The following SCAP variants were observed in gnomAD, a reference collection of about 807,000 sequenced individuals.
SCAP encodes the protein SREBF chaperone.
In SCAP, 65 loss-of-function variants were observed where a neutral mutation model predicts 123.6. The ratio of observed to expected loss-of-function variants is 0.53; its 90% CI spans 0.43 to 0.65. The LOEUF (loss-of-function observed/expected upper bound fraction) is 0.65, where lower values mean the gene tolerates loss of function less well. Among genes scored for constraint, SCAP ranks in the 30% least tolerant of loss-of-function variants. SCAP has a pLI of 0.00. For missense variants in SCAP, 1,398 were observed against 1,712.5 expected (o/e 0.82, Z 3.24); for synonymous variants, 740 against 726.3 (o/e 1.02, Z -0.30).
intron 1 of SCAP, among the ~76,000 whole-genome samples, chr3:47,466,150 A>AG (rs1707822049): frequency 6.6e-6 from 1 of 151,544 alleles, no homozygotes; most frequent in African/African-American, 2.4e-5. Context: ...AAAAAAAAAA[A>AG]AAAAAAAGAA....
intron 3 of SCAP, among the ~76,000 whole-genome samples, chr3:47,431,586 C>T (rs2107845313): frequency 6.6e-6 from 1 of 152,220 alleles, no homozygotes; most frequent in Admixed American, 6.5e-5. Flanking sequence ...GGGTACTGGT[C>T]AGGCATTTTG....
chr3:47,417,699 G>C lies in SCAP; in HGVS notation c.2575C>G (p.Arg859Gly), dbSNP rs755393003. The C allele has an allele frequency of 1.2e-6, 2 of 1,608,168 alleles. No homozygotes were observed. Among genetic ancestry groups the C allele is most frequent in the Non-Finnish European group, 8.5e-7 (1 of 1,178,612 alleles). The change falls in exon 17 of 23, where the codon CGG (arginine) becomes GGG (glycine). Residue 859 changes from arginine (R) to glycine (G), a missense_variant. Physicochemically the swap from Arg to Gly is moderately radical, Grantham distance 125 (BLOSUM62 -2). Coordinates refer to ENST00000265565, the MANE Select transcript of SCAP (RefSeq NM_012235.4). Reference protein sequence around the residue: ...GDSPPLRHRPRGPPPPSLFGD... With the variant: ...GDSPPLRHRPGGPPPPSLFGD... ...AAGAGGGAAGGCGGCGGAGGGCCCC[G>C]GGGGCGGTGTCTCAGGGGAGGGCTG... is the stretch of plus-strand genomic sequence containing the variant.
intron 14 of SCAP, 29 bp downstream of exon 14, chr3:47,418,626 T>TTACCCC: frequency 1.4e-6 from 2 of 1,459,574 alleles, no homozygotes; most frequent in Non-Finnish European, 1.9e-6. Flanking sequence ...CCGCACTCTT[T>TTACCCC]CCCACCCCAC....
At chr3:47,467,505 T>G (rs1220791222) in intron 1 of SCAP, among the ~76,000 whole-genome samples, 1 of 151,878 alleles carries the variant, frequency 6.6e-6, no homozygotes, top group African/African-American at 2.4e-5. Flanking sequence ...CTTGGAAGAC[T>G]GAGGTGGGAG....
At chr3:47,436,560 T>C (rs1053621782) in intron 2 of SCAP, among the ~76,000 whole-genome samples, 1 of 151,276 alleles carries the variant, frequency 6.6e-6, no homozygotes, top group African/African-American at 2.4e-5. Flanking sequence ...CCCTGGGAGG[T>C]AGAGGCTGCA....
rs1160447716 is a variant in SCAP, at chr3:47,441,874, CT to C, written c.122+997del. The stretch of plus-strand genomic sequence containing the variant: ...GAAACTCTCAGTGATGTTCATCTTT[CT>C]TTTTTTTTTTTTTTTTTTTTTTTGG... On this transcript the variant is annotated intron_variant, in intron 2 of 22. Transcript: ENST00000265565. Among the ~76,000 whole-genome samples the C allele has an allele frequency of 1.5e-3, 113 of 76,414 alleles. No individual in the cohort carries two copies. In the South Asian group the frequency reaches 0.025, roughly 17 times the overall value. The allele number at this position is 76,414 out of a possible 152,430, so 50.1% of individuals were successfully genotyped here.
In SCAP at chr3:47,424,020, C is replaced by A; in HGVS notation, c.1063G>T (p.Val355Phe). ...ACCAACACATTCTCTAACCCAATAA[C>A]CACCACAAGGTAGGGGAAAATCTCG... ...GGEIFPYLVV[V>F]IGLENVLVLT... is the part of the protein sequence containing the mutation. The change falls in exon 9 of 23, where the codon GTT becomes TTT. Residue 355 changes from valine to phenylalanine, a missense_variant. Around this residue, in one of 7 missense-constraint regions of SCAP, gnomAD observed 9 missense variants for 32.8 expected, o/e 0.27. Transcript: ENST00000265565. The A allele has an allele frequency of 6.2e-7, 1 of 1,614,090 alleles. No homozygotes were observed. The highest frequency in any genetic ancestry group is 8.5e-7 in the Non-Finnish European group (1 of 1,179,952).
chr3:47,413,689 A>G lies in SCAP; in HGVS notation c.*165T>C. ...ATTCCAAGAGACACAAGTAGCTCCC[A>G]AAGTGCCTGACAGATGATGATATGG... On this transcript the variant is annotated 3_prime_UTR_variant, in exon 23 of 23. Coordinates refer to ENST00000265565, the MANE Select transcript of SCAP (RefSeq NM_012235.4). 1 of 960,890 alleles carries G rather than the reference A, an allele frequency of 1.0e-6. No homozygotes were observed. Among genetic ancestry groups the G allele is most frequent in the East Asian group, 2.4e-5 (1 of 41,220 alleles). The allele number at this position is 960,890 out of a possible 1,614,324, so 59.5% of individuals were successfully genotyped here.
At chr3:47,440,408 T>C (rs1706747185) in intron 2 of SCAP, among the ~76,000 whole-genome samples, 1 of 152,140 alleles carries the variant, frequency 6.6e-6, no homozygotes, top group South Asian at 2.1e-4. Context: ...CTATGGATTC[T>C]CTTATACAAC....
In SCAP at chr3:47,419,855, C is replaced by T; in HGVS notation, c.1564-151G>A. On this transcript the variant is annotated intron_variant, in intron 12 of 22. Transcript: ENST00000265565. This position sits in a 1 kb window ranked among gnomAD's most constrained non-coding sequence, Gnocchi z 5.0. ...CACTGCGTCCTTTTCTCCTGCCTCT[C>T]CAAGTCCTCCTGCTAACACCTGCCA... is the stretch of plus-strand genomic sequence containing the variant. The T allele has an allele frequency of 1.1e-6, 1 of 872,366 alleles. No homozygotes were observed. The highest frequency in any genetic ancestry group is 1.6e-6 in the Non-Finnish European group (1 of 616,816). The allele number at this position is 872,366 out of a possible 1,614,324, so 54.0% of individuals were successfully genotyped here.
At chr3:47,463,820 T>C (rs1032887944) in intron 1 of SCAP, among the ~76,000 whole-genome samples, 2 of 152,258 alleles carry the variant, frequency 1.3e-5, no homozygotes, top group Non-Finnish European at 1.5e-5. Context: ...TAAGCATCTG[T>C]TGACTTCTAA....
chr3:47,414,051 C>G lies in SCAP; in HGVS notation c.3643G>C (p.Val1215Leu). ...SLGVISDNLL[V>L]TGGQGCVSFW... ...GAGACACAGCCCTGGCCGCCAGTCA[C>G]CAGCAGGTTGTCTGAGATGACACCC... Residue 1215 changes from valine to leucine, a missense_variant, in exon 23 of 23, where the codon GTG becomes CTG. Val to Leu is a conservative substitution (Grantham distance 32, BLOSUM62 1). Around this residue, in one of 7 missense-constraint regions of SCAP, gnomAD observed 130 missense variants for 166.7 expected, o/e 0.78. Coordinates refer to ENST00000265565, the MANE Select transcript of SCAP (RefSeq NM_012235.4). The G allele has an allele frequency of 6.2e-7, 1 of 1,613,398 alleles. No individual in the cohort carries two copies. Among genetic ancestry groups the G allele is most frequent in the Non-Finnish European group, 8.5e-7 (1 of 1,180,032 alleles).
intron 1 of SCAP, among the ~76,000 whole-genome samples, chr3:47,466,320 T>A (rs555043927): frequency 1.3e-4 from 20 of 152,066 alleles, no homozygotes; most frequent in Non-Finnish European, 2.6e-4. Context: ...TGGCATAAGG[T>A]CAGACATATA....
At chr3:47,416,487 C>G (rs1464910102) in intron 18 of SCAP, among the ~76,000 whole-genome samples, 1 of 152,296 alleles carries the variant, frequency 6.6e-6, no homozygotes, top group South Asian at 2.1e-4. Context: ...ACAAGCTAAT[C>G]AGAGAAACTG....
chr3:47,443,054 A>G lies in SCAP; in HGVS notation c.-61T>C. 6.2e-7 allele frequency: 1 copy of G among 1,607,558 alleles called. No individual in the cohort carries two copies. The highest frequency in any genetic ancestry group is 1.7e-5 in the Admixed American group (1 of 59,336). On this transcript the variant is annotated 5_prime_UTR_variant, in exon 2 of 23. Coordinates refer to ENST00000265565, the MANE Select transcript of SCAP (RefSeq NM_012235.4). ...GTGACCATGGATCACCCTGGCACAC[A>G]CTTGACAGCACTGACAAAGAACAAC...
At chr3:47,428,355 A>G (rs563294855) in intron 4 of SCAP, among the ~76,000 whole-genome samples, 158 bp downstream of exon 4, 38 of 152,164 alleles carry the variant, frequency 2.5e-4, no homozygotes, top group African/African-American at 7.7e-4. Context: ...GTAGACCCAC[A>G]AGGATGCTGA....
chr3:47,416,727 C>T (rs1052510717), intron 18 of SCAP, among the ~76,000 whole-genome samples: 2 of 149,406 alleles, frequency 1.3e-5, no homozygotes, highest in South Asian at 2.1e-4. Flanking sequence ...CCCGGGTTCA[C>T]GCCATTCTCC....
intron 2 of SCAP, among the ~76,000 whole-genome samples, chr3:47,441,984 G>A (rs188484404): frequency 1.3e-4 from 19 of 150,158 alleles, no homozygotes; most frequent in Admixed American, 1.2e-3. Context: ...GGAATTACAG[G>A]TATGAGCACT....
At chr3:47,443,185 T>A in intron 1 of SCAP, 94 bp from the exon 2 acceptor site, 1 of 969,278 alleles carries the variant, frequency 1.0e-6, no homozygotes, top group East Asian at 2.9e-5. Flanking sequence ...GGCTGGGGAA[T>A]GGTTTCAGAA....
Sources: allele counts gnomAD v4.1 joint callset (sites outside exome capture counted in the v4.1 genomes callset), GRCh38; gene constraint gnomAD v4.1.1; regional missense constraint gnomAD v4.1.1; non-coding constraint Gnocchi (gnomAD v3.1); transcripts MANE v1.5; gene names NCBI Gene and HGNC (gene_info 2026-07-23, HGNC 2026-07-21).